Variants in MAIP1 observed in about 807,000 individuals in gnomAD.
MAIP1 encodes matrix AAA peptidase interacting protein 1.
In MAIP1, 28 loss-of-function variants were observed where a neutral mutation model predicts 31.2. That is an observed-to-expected ratio of 0.90 (90% CI 0.67 to 1.23). MAIP1 has a LOEUF of 1.23. Ranked by LOEUF, MAIP1 falls within the 50% of genes most tolerant of loss-of-function variation. The pLI is 0.00. For synonymous variants in MAIP1, 142 were observed against 142.3 expected, an observed-to-expected ratio of 1.00 and a Z score of 0.02; for missense variants, 339 against 356.0, an observed-to-expected ratio of 0.95 and a Z score of 0.38.
At chr2:199,958,144 G>A (rs941797151) in intron 1 of MAIP1, among the ~76,000 whole-genome samples, 1 of 152,102 alleles carries the variant, frequency 6.6e-6, no homozygotes, top group African/African-American at 2.4e-5. Flanking sequence ...GGTGTCGGAG[G>A]GGTTGTTTTC....
At position 199,956,249 on chromosome 2, in the gene MAIP1, G is replaced by C; in HGVS notation, c.450+1G>C. The C allele has an allele frequency of 6.2e-7, 1 of 1,606,510 alleles. No homozygotes were observed. Among genetic ancestry groups the C allele is most frequent in the Non-Finnish European group, 8.5e-7 (1 of 1,175,514 alleles). ...AGAGTTCTCCGAGGGAGCGAAGCAG[G>C]TTTGTTTATTTCCCTGATTGACCTA... is the stretch of plus-strand genomic sequence containing the variant. On this transcript the variant is annotated splice_donor_variant, in intron 1 of 4. Transcript: ENST00000392290. LOFTEE classifies it high-confidence loss of function.
At position 199,959,355 on chromosome 2, in the gene MAIP1, C is replaced by A; in HGVS notation, c.522+16C>A. On this transcript the variant is annotated intron_variant, in intron 2 of 4. Transcript: ENST00000392290. ...GGCCAAAGAGGTAAAGTATATTTTA[C>A]ATTTTGCTTTAAAAATAAATGCTAT... 2.1e-6 allele frequency: 3 copies of A among 1,411,026 alleles called. No individual in the cohort carries two copies. Among genetic ancestry groups the A allele is most frequent in the Non-Finnish European group, 3.0e-6 (3 of 997,814 alleles). 87.4% of individuals were successfully genotyped at this position (1,411,026 alleles called of 1,614,324 possible).
At chr2:199,958,135 G>A (rs1464289598) in intron 1 of MAIP1, among the ~76,000 whole-genome samples, 1 of 152,150 alleles carries the variant, frequency 6.6e-6, no homozygotes, top group Non-Finnish European at 1.5e-5. Flanking sequence ...CAGTATCAAG[G>A]TGTCGGAGGG....
Position 199,960,942 on chromosome 2 carries a change from G to A in MAIP1, c.650-839G>A, listed in dbSNP as rs146463193. On this transcript the variant is annotated intron_variant, in intron 3 of 4. Coordinates refer to ENST00000392290, the MANE Select transcript of MAIP1 (RefSeq NM_001394955.1). ...ATATTTTTAGTGATAAATATTTTCCGCTTCCCTAATATTTCAAATTGCATC... is the reference window on the plus strand; with the variant it reads ...ATATTTTTAGTGATAAATATTTTCCACTTCCCTAATATTTCAAATTGCATC... Among the ~76,000 whole-genome samples, 584 of 152,038 alleles carry A rather than the reference G, an allele frequency of 3.8e-3. 2 individuals are homozygous for A. The highest frequency in any genetic ancestry group is 0.013 in the African/African-American group (544 of 41,446).
chr2:199,957,651 G>A (rs1016735610), intron 1 of MAIP1, among the ~76,000 whole-genome samples: 5 of 152,140 alleles, frequency 3.3e-5, no homozygotes, highest in Non-Finnish European at 5.9e-5. Flanking sequence ...CCTGCTGCCT[G>A]CTTCTCTGAG....
Position 199,955,916 on chromosome 2 carries a change from T to G in MAIP1, c.118T>G (p.Cys40Gly). Reference sequence around the variant, plus strand: ...GGTGAGGCTGCCGTCGGCCACACTTTGCTACTTCTGCCGCTGTCGCCTCGG... The same window carrying G: ...GGTGAGGCTGCCGTCGGCCACACTTGGCTACTTCTGCCGCTGTCGCCTCGG... ...AEVRLPSATL[C>G]YFCRCRLGLG... Residue 40 changes from cysteine to glycine, a missense_variant, in exon 1 of 5, where the codon TGC becomes GGC. By Grantham distance (159) the Cys-to-Gly change is radical (BLOSUM62 -3). Transcript: ENST00000392290. 1 of 1,594,868 alleles carries G rather than the reference T, an allele frequency of 6.3e-7. No homozygotes were observed.
rs2077595687 is a variant in MAIP1, at chr2:199,955,721, C to T, written c.-78C>T. The T allele has an allele frequency of 7.1e-7, 1 of 1,403,054 alleles. No individual in the cohort carries two copies. Among genetic ancestry groups the T allele is most frequent in the Admixed American group, 2.3e-5 (1 of 43,016 alleles). 86.9% of individuals were successfully genotyped at this position (1,403,054 alleles called of 1,614,324 possible). A position where few individuals can be genotyped will look rare whatever the true frequency, so the allele number is the denominator to read the frequency against. ...CCACTTTGCTCTCCAGTCTCTTTCT[C>T]CGACACCGCTGAGGCGGTTTCCCAC... On this transcript the variant is annotated 5_prime_UTR_variant, in exon 1 of 5. Transcript: ENST00000392290.
chr2:199,955,465 G>C (rs931521211), upstream of MAIP1: 9 of 1,613,680 alleles, frequency 5.6e-6, no homozygotes, highest in Non-Finnish European at 7.6e-6. Flanking sequence ...GGTGCTGCCC[G>C]GCCATGGTTG....
intron 2 of MAIP1, 94 bp from the exon 3 acceptor site, chr2:199,959,660 G>C: frequency 9.0e-7 from 1 of 1,108,560 alleles, no homozygotes; most frequent in Non-Finnish European, 1.3e-6. Flanking sequence ...TTTAAAAATA[G>C]GTTTGGAAAA....
At chr2:199,960,554 GT>G (rs1485630897) in intron 3 of MAIP1, among the ~76,000 whole-genome samples, 1 of 152,054 alleles carries the variant, frequency 6.6e-6, no homozygotes, top group African/African-American at 2.4e-5. Flanking sequence ...AACATGTGCA[GT>G]TTTTTTCTTG....
chr2:199,963,888 G>GCC lies in MAIP1; in HGVS notation c.*77_*78insCC. On this transcript the variant is annotated 3_prime_UTR_variant, in exon 5 of 5. Coordinates refer to ENST00000392290, the MANE Select transcript of MAIP1 (RefSeq NM_001394955.1). Reference sequence around the variant, plus strand: ...AGGAAGAAAAATTTTGGGGTCATTTGATCTTCACTTAATCTAAGTCTGTGA... The same window carrying GCC: ...AGGAAGAAAAATTTTGGGGTCATTTGCCATCTTCACTTAATCTAAGTCTGTGA... The GCC allele has an allele frequency of 1.3e-6, 1 of 765,544 alleles. No homozygotes were observed. 47.4% of individuals were successfully genotyped at this position (765,544 alleles called of 1,614,324 possible).
At chr2:199,962,851 C>T (rs889808944) in intron 4 of MAIP1, among the ~76,000 whole-genome samples, 9 of 151,816 alleles carry the variant, frequency 5.9e-5, no homozygotes, top group African/African-American at 1.5e-4. Flanking sequence ...TATTTTTATG[C>T]GAATAAAATC....
At chr2:199,961,976 G>T (rs1186142682) in intron 4 of MAIP1, 48 bp downstream of exon 4, 1 of 1,510,686 alleles carries the variant, frequency 6.6e-7, no homozygotes, top group Non-Finnish European at 9.0e-7. Context: ...AAAATGGAAG[G>T]TAGTGTGAAG....
At position 199,956,169 on chromosome 2, in the gene MAIP1, C is replaced by T. The variant is rs761766581; in HGVS notation, c.371C>T (p.Thr124Ile). Reference protein sequence around the residue: ...GFSNPINWVRTRIKAFLIWAY... With the variant: ...GFSNPINWVRIRIKAFLIWAY... ...TCCAACCCCATCAACTGGGTTAGGA[C>T]TCGAATTAAGGCCTTCCTTATCTGG... Residue 124 changes from threonine (T) to isoleucine (I), a missense_variant, in exon 1 of 5, where the codon ACT becomes ATT. Coordinates refer to ENST00000392290, the MANE Select transcript of MAIP1 (RefSeq NM_001394955.1). 10 of 1,614,226 alleles carry T rather than the reference C, an allele frequency of 6.2e-6. No homozygotes were observed. The South Asian group carries it at 1.1e-4, about 18-fold the overall frequency.
At chr2:199,963,049 A>G (rs888352643) in intron 4 of MAIP1, among the ~76,000 whole-genome samples, 6 of 151,898 alleles carry the variant, frequency 4.0e-5, no homozygotes, top group African/African-American at 1.5e-4. Context: ...TGCTCTTCTT[A>G]AAAGAAATGT....
chr2:199,956,043 C>G lies in MAIP1; in HGVS notation c.245C>G (p.Pro82Arg), dbSNP rs1488835295. The G allele has an allele frequency of 1.9e-6, 3 of 1,610,346 alleles. No individual in the cohort carries two copies. The highest frequency in any genetic ancestry group is 2.5e-6 in the Non-Finnish European group (3 of 1,178,194). Residue 82 changes from proline to arginine, a missense_variant, in exon 1 of 5, where the codon CCC becomes CGC. Coordinates refer to ENST00000392290, the MANE Select transcript of MAIP1 (RefSeq NM_001394955.1). The stretch of plus-strand genomic sequence containing the variant: ...CCAGTGCTCAGCAGCCCGGGACTCC[C>G]CGCAGCCTTCGCTTCTTTCCCTGCC... ...RWPVLSSPGL[P>R]AAFASFPACP...
intron 1 of MAIP1, among the ~76,000 whole-genome samples, chr2:199,958,367 T>G (rs1414208835): frequency 6.6e-6 from 1 of 152,186 alleles, no homozygotes; most frequent in African/African-American, 2.4e-5. Flanking sequence ...CATTTCAAGG[T>G]TCTGGGGGTT....
chr2:199,963,710 A>C (rs1400060196), intron 4 of MAIP1, 23 bp from the exon 5 acceptor site: 1 of 1,449,840 alleles, frequency 6.9e-7, no homozygotes, highest in East Asian at 2.3e-5. Context: ...TAAGATTTAC[A>C]TTATTTGCAA....
chr2:199,956,855 GA>G (rs1026459183), intron 1 of MAIP1, among the ~76,000 whole-genome samples: 1 of 152,164 alleles, frequency 6.6e-6, no homozygotes, highest in Non-Finnish European at 1.5e-5. Context: ...AGGATTTGCT[GA>G]GACTGCCTGG....
Sources: allele counts gnomAD v4.1 joint callset (sites outside exome capture counted in the v4.1 genomes callset), GRCh38; gene constraint gnomAD v4.1.1; transcripts MANE v1.5; gene names NCBI Gene and HGNC (gene_info 2026-07-23, HGNC 2026-07-21).